Variants in USH2A observed in about 807,000 individuals in gnomAD.
USH2A encodes Usher syndrome 2A (autosomal recessive, mild).
USH2A carries 443 observed loss-of-function variants against 538.9 expected under a neutral mutation model. The ratio of observed to expected loss-of-function variants is 0.82; its 90% CI spans 0.76 to 0.89. The LOEUF (loss-of-function observed/expected upper bound fraction) is 0.89, where lower values mean the gene tolerates loss of function less well. Ranked by LOEUF, USH2A falls within the 40% of genes least tolerant of loss-of-function variation. The pLI, the probability that USH2A is intolerant of heterozygous loss-of-function variation, is 0.00. For synonymous variants in USH2A, 2,413 were observed against 2,273.5 expected (o/e 1.06, Z -1.75); for missense variants, 6,633 against 6,324.8 (o/e 1.05, Z -1.65).
chr1:216,138,946 A>G (rs748462118), intron 21 of USH2A, among the ~76,000 whole-genome samples: 39 of 150,792 alleles, frequency 2.6e-4, no homozygotes, highest in South Asian at 6.3e-4. Flanking sequence ...GTGTGTGTAT[A>G]TATATGTGTG....
intron 8 of USH2A, 30 bp downstream of exon 8, chr1:216,323,444 C>T: frequency 6.2e-7 from 1 of 1,609,660 alleles, no homozygotes. Flanking sequence ...ATGACAAAAA[C>T]CTTGTTGAAA....
intron 32 of USH2A, among the ~76,000 whole-genome samples, chr1:216,009,775 C>T (rs370970186): frequency 7.9e-5 from 12 of 152,304 alleles, no homozygotes; most frequent in Non-Finnish European, 1.2e-4. Flanking sequence ...CCTCCTTACA[C>T]CCAGTCCGGC....
intron 3 of USH2A, among the ~76,000 whole-genome samples, chr1:216,382,458 A>T (rs149167527): frequency 6.6e-6 from 1 of 152,276 alleles, no homozygotes; most frequent in African/African-American, 2.4e-5. Context: ...CCCAGAGGAG[A>T]CCTTACAGAA....
chr1:215,994,282 G>A (rs975177114), intron 34 of USH2A, among the ~76,000 whole-genome samples: 12 of 152,110 alleles, frequency 7.9e-5, no homozygotes, highest in East Asian at 1.9e-4. Context: ...TTCTTTAGGC[G>A]TCTCTCTGAT....
At chr1:215,828,489 G>T (rs543365446) in intron 47 of USH2A, among the ~76,000 whole-genome samples, 4 of 152,092 alleles carry the variant, frequency 2.6e-5, no homozygotes, top group Non-Finnish European at 4.4e-5. Context: ...CATTAATAAC[G>T]ATAGTGGTTT....
chr1:216,133,805 G>A (rs910755297), intron 21 of USH2A, among the ~76,000 whole-genome samples: 9 of 152,048 alleles, frequency 5.9e-5, no homozygotes, highest in Non-Finnish European at 4.4e-5. Flanking sequence ...AAATATGAAT[G>A]ATTACCATGT....
rs2039690023 is a variant in USH2A, at chr1:216,422,194, T to C, written c.143A>G (p.Lys48Arg). The C allele has an allele frequency of 1.9e-6, 3 of 1,612,320 alleles. No individual in the cohort carries two copies. The highest frequency in any genetic ancestry group is 1.3e-5 in the African/African-American group (1 of 74,794). Residue 48 changes from lysine to arginine, a missense_variant, in exon 2 of 72, where the codon AAA becomes AGA. Physicochemically the swap from Lys to Arg is conservative, Grantham distance 26 (BLOSUM62 2). Coordinates refer to ENST00000307340, the MANE Select transcript of USH2A (RefSeq NM_206933.4). ...TGCTTGGGTTGGCACGATGGAAACT[T>C]TCTTGAAAGCTCCCACGTTCTCCAG... ...PRLENVGAFK[K>R]VSIVPTQAVC...
At chr1:215,662,165 T>A in intron 64 of USH2A, among the ~76,000 whole-genome samples, 1 of 152,208 alleles carries the variant, frequency 6.6e-6, no homozygotes, top group East Asian at 1.9e-4. Flanking sequence ...CTTTCCTAGA[T>A]GTTTTTACAG....
At chr1:216,020,037 T>C (rs1561175) in intron 32 of USH2A, among the ~76,000 whole-genome samples, 93,015 of 152,056 alleles carry the variant, frequency 0.61, 28,818 homozygotes, top group East Asian at 0.75. Context: ...GAATCATTTC[T>C]GTAGAATGAT....
chr1:216,029,061 T>C (rs1253433644), intron 32 of USH2A, among the ~76,000 whole-genome samples: 1 of 152,228 alleles, frequency 6.6e-6, no homozygotes, highest in East Asian at 1.9e-4. Context: ...AATTTACCAT[T>C]TTGTAGTAAT....
intron 12 of USH2A, 55 bp downstream of exon 12, chr1:216,250,848 A>T: frequency 6.3e-7 from 1 of 1,579,912 alleles, no homozygotes; most frequent in Non-Finnish European, 8.7e-7. Flanking sequence ...CAAATAGAGA[A>T]TTTTATTCCA....
At chr1:216,366,589 C>A (rs983555194) in intron 3 of USH2A, among the ~76,000 whole-genome samples, 10 of 151,766 alleles carry the variant, frequency 6.6e-5, no homozygotes, top group South Asian at 2.1e-4. Context: ...ATGTCCCCCC[C>A]CAAAAAAACA....
chr1:216,117,130 G>A (rs1278023607), intron 21 of USH2A, among the ~76,000 whole-genome samples: 1 of 152,100 alleles, frequency 6.6e-6, no homozygotes, highest in African/African-American at 2.4e-5. Context: ...GGTAGCCATG[G>A]TTTAGTAAAG....
At position 216,050,567 on chromosome 1, in the gene USH2A, T is replaced by C. The variant is rs11120729; in HGVS notation, c.6050-1920A>G. Among the ~76,000 whole-genome samples, 292 of 29,304 alleles carry C rather than the reference T, an allele frequency of 1.0e-2. 26 individuals carry two copies. The highest frequency in any genetic ancestry group is 0.022 in the East Asian group (18 of 828). The allele number at this position is 29,304 out of a possible 152,430, so 19.2% of individuals were successfully genotyped here. A position where few individuals can be genotyped will look rare whatever the true frequency, so the allele number is the denominator to read the frequency against. On this transcript the variant is annotated intron_variant, in intron 30 of 71. Coordinates refer to ENST00000307340, the MANE Select transcript of USH2A (RefSeq NM_206933.4). ...ACTAGACAATTTGTATCTTTTTCTT[T>C]CTTTCTTTCTTTCTTTCTTTCTTTC...
intron 3 of USH2A, among the ~76,000 whole-genome samples, chr1:216,398,614 G>A (rs1016322921): frequency 2.2e-4 from 33 of 151,836 alleles, no homozygotes; most frequent in African/African-American, 2.4e-4. Context: ...TCCAGCAGCC[G>A]AGCTCATCAG....
intron 27 of USH2A, among the ~76,000 whole-genome samples, chr1:216,076,117 A>G (rs1225297223): frequency 6.6e-6 from 1 of 152,160 alleles, no homozygotes. Context: ...AAGGCATCTG[A>G]GTCAGAATCT....
chr1:216,067,492 G>A (rs1208352439), intron 30 of USH2A, among the ~76,000 whole-genome samples: 4 of 144,962 alleles, frequency 2.8e-5, no homozygotes, highest in Admixed American at 6.8e-5. Context: ...CACGGCCAGG[G>A]AGAGAAAAAA....
At chr1:215,696,691 C>T (rs1191206743) in intron 61 of USH2A, among the ~76,000 whole-genome samples, 1 of 152,034 alleles carries the variant, frequency 6.6e-6, no homozygotes, top group African/African-American at 2.4e-5. Context: ...AGACTTGTGC[C>T]CCTGCTCTCA....
At chr1:216,261,575 G>A in intron 11 of USH2A, among the ~76,000 whole-genome samples, 1 of 150,344 alleles carries the variant, frequency 6.7e-6, no homozygotes, top group South Asian at 2.1e-4. Flanking sequence ...TACACCAAAA[G>A]GAAAAAAAAT....
Sources: allele counts gnomAD v4.1 joint callset (sites outside exome capture counted in the v4.1 genomes callset), GRCh38; gene constraint gnomAD v4.1.1; transcripts MANE v1.5; gene names NCBI Gene and HGNC (gene_info 2026-07-23, HGNC 2026-07-21).